The following ZNF469 variants were observed in gnomAD, a reference collection of about 807,000 sequenced individuals.
ZNF469 encodes the protein zinc finger protein 469.
ZNF469 carries 1 observed loss-of-function variant against 1.0 expected under a neutral mutation model. The ratio of observed to expected loss-of-function variants is 1.00; its 90% CI spans 0.35 to 4.73. The LOEUF is 4.73. Among genes scored for constraint, ZNF469 ranks in the 30% most tolerant of loss-of-function variants. ZNF469 has a pLI of 0.16. For synonymous variants in ZNF469, 2,703 were observed against 2,363.4 expected (o/e 1.14, Z -4.17); for missense variants, 6,100 against 5,356.3 (o/e 1.14, Z -4.33).
chr16:88,429,293 T>C lies in ZNF469; in HGVS notation c.1823T>C (p.Leu608Pro). The C allele has an allele frequency of 1.9e-6, 3 of 1,549,790 alleles. No homozygotes were observed. Among genetic ancestry groups the C allele is most frequent in the Admixed American group, 2.0e-5 (1 of 51,000 alleles). Residue 608 changes from leucine to proline, a missense_variant, in exon 3 of 3, where the codon CTG becomes CCG. Transcript: ENST00000565624. ...TNTAGSTCSS[L>P]SPMSSSPANP... is the part of the protein sequence containing the mutation. ...ACGGCCGGCAGCACCTGCTCTTCCC[T>C]GTCGCCGATGTCCAGCAGCCCAGCC... is the stretch of plus-strand genomic sequence containing the variant.
In ZNF469 at chr16:88,427,842, C is replaced by T. The variant is rs1348571916; in HGVS notation, c.372C>T (p.Ile124=). ...GSPPQRYILG[I]ASSRTKPTLD... is the part of the protein sequence containing the mutation. The stretch of plus-strand genomic sequence containing the variant: ...CCCCACAGCGCTACATTCTGGGCAT[C>T]GCCAGCTCGAGGACCAAGCCCACCC... The change falls in exon 3 of 3, where the codon ATC becomes ATT. Residue 124 remains isoleucine (I), a synonymous_variant. Transcript: ENST00000565624. The T allele has an allele frequency of 1.2e-5, 18 of 1,549,140 alleles. No homozygotes were observed. Among genetic ancestry groups the T allele is most frequent in the Non-Finnish European group, 1.2e-5 (14 of 1,146,808 alleles).
chr16:88,132,307 C>A, the ZNF469 span, among the ~76,000 whole-genome samples: 174 of 152,374 alleles, frequency 1.1e-3, 1 homozygote, highest in African/African-American at 4.0e-3. Flanking sequence ...TCTCTGTCCT[C>A]CCCATGCCCT....
the ZNF469 span, among the ~76,000 whole-genome samples, chr16:88,104,015 G>A: frequency 1.3e-5 from 2 of 152,064 alleles, no homozygotes; most frequent in Admixed American, 6.5e-5. Context: ...TTTGAGGAAC[G>A]GGGGTTGCCT....
At chr16:88,102,078 A>T in the ZNF469 span, among the ~76,000 whole-genome samples, 1 of 53,040 alleles carries the variant, frequency 1.9e-5, no homozygotes, top group African/African-American at 7.6e-5. Flanking sequence ...CCCCCCGCCC[A>T]GTGTCCTTAC....
intron 1 of ZNF469, among the ~76,000 whole-genome samples, chr16:88,405,205 A>C (rs1904993522): frequency 1.3e-5 from 2 of 152,276 alleles, no homozygotes; most frequent in South Asian, 4.1e-4. Context: ...GCTAGAAAGG[A>C]GGATGAGGAG....
intron 1 of ZNF469, among the ~76,000 whole-genome samples, chr16:88,419,894 G>A (rs138435969): frequency 7.4e-4 from 112 of 152,356 alleles, no homozygotes; most frequent in Non-Finnish European, 8.4e-4. Flanking sequence ...TGGGGCTCAC[G>A]CAATGCCCTC....
the ZNF469 span, among the ~76,000 whole-genome samples, chr16:88,276,133 G>A: frequency 1.2e-4 from 18 of 152,308 alleles, no homozygotes; most frequent in Non-Finnish European, 2.5e-4. Flanking sequence ...TCCAGACTTA[G>A]ATGCCATCCT....
chr16:88,204,977 C>T, the ZNF469 span, among the ~76,000 whole-genome samples: 1 of 152,150 alleles, frequency 6.6e-6, no homozygotes, highest in South Asian at 2.1e-4. Context: ...GCGCCAGCTG[C>T]AGGATTTATA....
chr16:88,371,405 G>T, the ZNF469 span, among the ~76,000 whole-genome samples: 1 of 152,204 alleles, frequency 6.6e-6, no homozygotes, highest in Non-Finnish European at 1.5e-5. Context: ...TTGACAAAGG[G>T]TGTGGCATAT....
At chr16:88,373,341 G>C in the ZNF469 span, among the ~76,000 whole-genome samples, 1 of 152,220 alleles carries the variant, frequency 6.6e-6, no homozygotes, top group Non-Finnish European at 1.5e-5. Flanking sequence ...AGGTGGTTTG[G>C]TGGGGGAGTG....
the ZNF469 span, among the ~76,000 whole-genome samples, chr16:88,356,352 T>C: frequency 6.6e-5 from 10 of 152,142 alleles, no homozygotes; most frequent in Non-Finnish European, 1.5e-4. Context: ...AGCGGGCTTC[T>C]TGGGAAACCT....
At chr16:88,388,403 G>A (rs1448501586) in intron 1 of ZNF469, among the ~76,000 whole-genome samples, 4 of 152,240 alleles carry the variant, frequency 2.6e-5, no homozygotes, top group Non-Finnish European at 5.9e-5. Flanking sequence ...CTTTCCTACC[G>A]GCCGGGCACG....
the ZNF469 span, among the ~76,000 whole-genome samples, chr16:88,323,266 C>G: frequency 6.6e-6 from 1 of 152,170 alleles, no homozygotes; most frequent in African/African-American, 2.4e-5. Context: ...GTGCCATGCC[C>G]CTGGGAGGCT....
At chr16:88,137,154 C>T in the ZNF469 span, among the ~76,000 whole-genome samples, 17 of 152,174 alleles carry the variant, frequency 1.1e-4, no homozygotes, top group East Asian at 9.7e-4. Context: ...GCAATAACCA[C>T]GTGTGCATAC....
chr16:88,432,056 C>T lies in ZNF469; in HGVS notation c.4586C>T (p.Pro1529Leu), dbSNP rs747460229. 4 of 1,550,534 alleles carry T rather than the reference C, an allele frequency of 2.6e-6. No individual in the cohort carries two copies. The Admixed American group carries it at 5.9e-5, about 23-fold the overall frequency. ...SGGKVLSKTC[P>L]PERTVVPGAA... ...GGAAAGGTGCTCAGTAAGACGTGTC[C>T]CCCTGAACGGACAGTGGTTCCCGGC... is the stretch of plus-strand genomic sequence containing the variant. The change falls in exon 3 of 3, where the codon CCC becomes CTC. Residue 1529 changes from proline (P) to leucine (L), a missense_variant. Transcript: ENST00000565624.
the ZNF469 span, among the ~76,000 whole-genome samples, chr16:88,310,613 C>T: frequency 6.6e-6 from 1 of 151,196 alleles, no homozygotes; most frequent in South Asian, 2.1e-4. Context: ...GACAGAGTCT[C>T]GCTCTGTTGC....
At chr16:88,160,857 T>C in the ZNF469 span, among the ~76,000 whole-genome samples, 1 of 152,142 alleles carries the variant, frequency 6.6e-6, no homozygotes, top group Non-Finnish European at 1.5e-5. Context: ...AAAAGGGTTT[T>C]AAAGGCCAGG....
the ZNF469 span, among the ~76,000 whole-genome samples, chr16:88,145,671 C>A: frequency 6.6e-6 from 1 of 152,260 alleles, no homozygotes; most frequent in Non-Finnish European, 1.5e-5. Flanking sequence ...GATGTTGTGT[C>A]CTGGCTGGGC....
chr16:88,427,229 C>T (rs981761619), intron 2 of ZNF469, among the ~76,000 whole-genome samples, 116 bp from the exon 3 acceptor site: 2 of 152,184 alleles, frequency 1.3e-5, no homozygotes, highest in African/African-American at 2.4e-5. Context: ...GATGGCTGCA[C>T]GCAGCCTCTT....
Sources: gnomAD v4.1 joint callset for allele counts (sites outside exome capture counted in the v4.1 genomes callset) on GRCh38, gnomAD v4.1.1 for gene constraint, MANE v1.5 for transcripts, NCBI Gene and HGNC (gene_info 2026-07-23, HGNC 2026-07-21) for gene names.